FER: variants seen among roughly 807,000 people sequenced by gnomAD.
FER encodes tyrosine-protein kinase Fer.
In FER, 63 loss-of-function variants were observed where a neutral mutation model predicts 111.0. That is an observed-to-expected ratio of 0.57 (90% confidence interval 0.46 to 0.70). The LOEUF (loss-of-function observed/expected upper bound fraction) is 0.70, where lower values mean the gene tolerates loss of function less well. Among genes scored for constraint, FER ranks in the 30% least tolerant of loss-of-function variants. FER has a pLI of 0.00. For missense variants in FER, 914 were observed against 954.0 expected (o/e 0.96, Z 0.55); for synonymous variants, 327 against 313.9 (o/e 1.04, Z -0.44).
chr5:108,943,685 TTAAG>T (rs1213287841), intron 10 of FER, among the ~76,000 whole-genome samples: 1 of 152,092 alleles, frequency 6.6e-6, no homozygotes, highest in Non-Finnish European at 1.5e-5. Flanking sequence ...TGATTTTACT[TTAAG>T]TAATTTAGGT....
At chr5:108,916,572 G>A (rs571353439) in intron 10 of FER, among the ~76,000 whole-genome samples, 22 of 152,082 alleles carry the variant, frequency 1.4e-4, no homozygotes, top group African/African-American at 5.3e-4. Context: ...ATTATGTTGT[G>A]GGTATTTAGA....
chr5:109,162,043 A>G (rs752888611), intron 17 of FER, among the ~76,000 whole-genome samples: 1 of 152,018 alleles, frequency 6.6e-6, no homozygotes, highest in African/African-American at 2.4e-5. Context: ...GGCCATATGT[A>G]TGTTGTCTTT....
chr5:108,776,631 A>G (rs1023888203), intron 2 of FER, among the ~76,000 whole-genome samples: 1 of 152,276 alleles, frequency 6.6e-6, no homozygotes, highest in Non-Finnish European at 1.5e-5. Flanking sequence ...TTTGCTTTTT[A>G]ATAACTTCCA....
rs545494123 is a variant in FER at position 108,755,361 on chromosome 5, C to G, written c.-206+7361C>G. On this transcript the variant is annotated intron_variant, in intron 1 of 19. Coordinates refer to ENST00000281092, the MANE Select transcript of FER (RefSeq NM_005246.4). Reference sequence around the variant, plus strand: ...GTTGAACACTTCTGTAGTATGTGTCCTTTCTCTGGATGTCTTCAGCTTGGG... The same window carrying G: ...GTTGAACACTTCTGTAGTATGTGTCGTTTCTCTGGATGTCTTCAGCTTGGG... Among the ~76,000 whole-genome samples, 18 of 152,236 alleles carry G rather than the reference C, an allele frequency of 1.2e-4. 1 individual carries two copies. The South Asian group carries it at 3.7e-3, about 32-fold the overall frequency.
At chr5:108,976,113 C>T (rs921490971) in intron 13 of FER, among the ~76,000 whole-genome samples, 4 of 151,984 alleles carry the variant, frequency 2.6e-5, no homozygotes, top group Admixed American at 6.6e-5. Context: ...ATTTAGCATG[C>T]GACAAGGGCC....
intron 10 of FER, among the ~76,000 whole-genome samples, chr5:108,940,899 T>G (rs1203055556): frequency 2.0e-5 from 3 of 152,080 alleles, no homozygotes; most frequent in Non-Finnish European, 4.4e-5. Flanking sequence ...TAAGAGCCCC[T>G]TCCCAAACTG....
At chr5:108,784,876 C>A in intron 2 of FER, 1 of 156,872 alleles carries the variant, frequency 6.4e-6, no homozygotes. Context: ...GTTTCTTGCC[C>A]TCATTCCGGT....
chr5:109,194,826 T>G lies in FER; in HGVS notation c.*7251T>G, dbSNP rs1242165464. 1 of 145,202 alleles carries G rather than the reference T, an allele frequency of 6.9e-6. No individual in the cohort carries two copies. Among genetic ancestry groups the G allele is most frequent in the Non-Finnish European group, 1.6e-5 (1 of 64,476 alleles). The allele number at this position is 145,202 out of a possible 1,614,324, so 9.0% of individuals were successfully genotyped here. A position where few individuals can be genotyped will look rare whatever the true frequency, so the allele number is the denominator to read the frequency against. ...AAAGTCATTTTTCATATAGCTGTTGTCAAATAGTATAACCTTGGTGTCTTC... is the reference window on the plus strand; with the variant it reads ...AAAGTCATTTTTCATATAGCTGTTGGCAAATAGTATAACCTTGGTGTCTTC... On this transcript the variant is annotated 3_prime_UTR_variant, in exon 20 of 20. Coordinates refer to ENST00000281092, the MANE Select transcript of FER (RefSeq NM_005246.4).
chr5:108,871,465 C>T lies in FER; in HGVS notation c.766C>T (p.Pro256Ser). 1 of 1,609,744 alleles carries T rather than the reference C, an allele frequency of 6.2e-7. No individual in the cohort carries two copies. The highest frequency in any genetic ancestry group is 1.7e-5 in the Admixed American group (1 of 59,908). The part of the protein sequence containing the change: ...EIQMSVEQID[P>S]STEYNNFIDV... The stretch of plus-strand genomic sequence containing the variant: ...TCAAATGTCGGTTGAACAGATAGAT[C>T]CTAGTACAGAATACAATAATTTCAT... The change falls in exon 7 of 20, where the codon CCT (proline) becomes TCT (serine). Residue 256 changes from proline to serine, a missense_variant. Pro to Ser is a moderately conservative substitution (Grantham distance 74). Around this residue, in one of 3 missense-constraint regions of FER, gnomAD observed 774 missense variants for 782.6 expected, o/e 0.99. Coordinates refer to ENST00000281092, the MANE Select transcript of FER (RefSeq NM_005246.4).
At chr5:108,808,941 C>T (rs1757471330) in intron 3 of FER, among the ~76,000 whole-genome samples, 2 of 152,210 alleles carry the variant, frequency 1.3e-5, no homozygotes, top group Non-Finnish European at 2.9e-5. Context: ...TAGAAGATTT[C>T]TGCTGAGAAG....
chr5:108,920,553 T>C (rs1752892065), intron 10 of FER, among the ~76,000 whole-genome samples: 1 of 152,124 alleles, frequency 6.6e-6, no homozygotes, highest in African/African-American at 2.4e-5. Flanking sequence ...TAAGTCCAAA[T>C]CTTGGGAATC....
intron 5 of FER, among the ~76,000 whole-genome samples, chr5:108,854,177 A>G (rs1483599251): frequency 6.6e-6 from 1 of 152,178 alleles, no homozygotes; most frequent in East Asian, 1.9e-4. Flanking sequence ...ATCAATACAT[A>G]ACTTTATTTT....
chr5:108,946,318 A>T, intron 11 of FER, 96 bp downstream of exon 11: 6 of 718,798 alleles, frequency 8.3e-6, no homozygotes, highest in East Asian at 2.7e-5. Context: ...GTGTGTGTGT[A>T]TATATATGTA....
intron 3 of FER, among the ~76,000 whole-genome samples, chr5:108,799,935 C>T (rs951584835): frequency 2.0e-5 from 3 of 151,478 alleles, no homozygotes; most frequent in Non-Finnish European, 2.9e-5. Context: ...CTCTGCCTCC[C>T]GGGTTCAGGT....
At chr5:108,766,577 A>G (rs1010370527) in intron 1 of FER, among the ~76,000 whole-genome samples, 1 of 152,210 alleles carries the variant, frequency 6.6e-6, no homozygotes, top group Non-Finnish European at 1.5e-5. Context: ...ATGTTTTCCT[A>G]AGGGCGAAGG....
chr5:108,896,528 A>G (rs898069889), intron 9 of FER, among the ~76,000 whole-genome samples: 3 of 152,094 alleles, frequency 2.0e-5, no homozygotes, highest in South Asian at 2.1e-4. Context: ...GTTCTTACTC[A>G]TTAGTTTTAC....
At chr5:109,049,457 C>CTT (rs1772443641) in intron 16 of FER, among the ~76,000 whole-genome samples, 1 of 152,190 alleles carries the variant, frequency 6.6e-6, no homozygotes, top group Admixed American at 6.5e-5. Flanking sequence ...GCCTGCATCC[C>CTT]TTTTCACATC....
At chr5:108,870,022 A>G (rs1764453013) in intron 6 of FER, among the ~76,000 whole-genome samples, 1 of 152,128 alleles carries the variant, frequency 6.6e-6, no homozygotes, top group South Asian at 2.1e-4. Context: ...CTATTGATTT[A>G]GAAATATTTC....
At chr5:108,845,005 T>TATATAC (rs1761771098) in intron 5 of FER, among the ~76,000 whole-genome samples, 3 of 19,842 alleles carry the variant, frequency 1.5e-4, no homozygotes, top group African/African-American at 2.2e-4. Context: ...TGTATATATA[T>TATATAC]ATATATATAT....
Sources: gnomAD v4.1 joint callset for allele counts (sites outside exome capture counted in the v4.1 genomes callset) on GRCh38, gnomAD v4.1.1 for gene constraint, gnomAD v4.1.1 regional missense constraint, MANE v1.5 for transcripts, NCBI Gene and HGNC (gene_info 2026-07-23, HGNC 2026-07-21) for gene names.